EPB41: variants seen among roughly 807,000 people sequenced by gnomAD.
The protein encoded by EPB41 is erythrocyte membrane protein band 4.1.
Under a neutral mutation model 108.0 loss-of-function variants are expected in EPB41, and 65 were observed. The ratio of observed to expected loss-of-function variants is 0.60; its 90% CI spans 0.49 to 0.74. The LOEUF is 0.74. Among genes scored for constraint, EPB41 ranks in the 30% least tolerant of loss-of-function variants. The pLI is 0.00. For missense variants in EPB41, 875 were observed against 1,037.0 expected, an observed-to-expected ratio of 0.84 and a Z score of 2.15; for synonymous variants, 336 against 358.9, an observed-to-expected ratio of 0.94 and a Z score of 0.72.
At chr1:28,934,666 T>TG (rs150713423) in intron 1 of EPB41, among the ~76,000 whole-genome samples, 14 of 136,400 alleles carry the variant, frequency 1.0e-4, no homozygotes, top group African/African-American at 4.0e-4. Flanking sequence ...TCTTTTGACA[T>TG]TGTGTGTGTG....
chr1:28,980,788 C>A (rs1237463984), intron 1 of EPB41, among the ~76,000 whole-genome samples: 2 of 148,598 alleles, frequency 1.3e-5, no homozygotes, highest in Admixed American at 6.8e-5. Context: ...TGATGATATT[C>A]CAGGAGTTTT....
chr1:29,040,354 A>G (rs1447173189), intron 11 of EPB41, among the ~76,000 whole-genome samples: 2 of 151,758 alleles, frequency 1.3e-5, no homozygotes, highest in East Asian at 1.9e-4. Flanking sequence ...ACCTCGGCCC[A>G]CTGCAACCTC....
At chr1:28,923,767 G>T (rs530357813) in intron 1 of EPB41, among the ~76,000 whole-genome samples, 6 of 152,292 alleles carry the variant, frequency 3.9e-5, no homozygotes, top group Admixed American at 1.3e-4. Context: ...AATGATCATA[G>T]AATCATATTT....
chr1:28,976,853 A>C (rs2095619265), intron 1 of EPB41, among the ~76,000 whole-genome samples: 1 of 151,860 alleles, frequency 6.6e-6, no homozygotes, highest in Non-Finnish European at 1.5e-5. Flanking sequence ...CCCTCAAAGC[A>C]TTATTTATTT....
chr1:28,933,667 G>T (rs975993359), intron 1 of EPB41, among the ~76,000 whole-genome samples: 2 of 152,102 alleles, frequency 1.3e-5, no homozygotes, highest in Non-Finnish European at 2.9e-5. Context: ...CGTTCATAGA[G>T]TATCGGCCAG....
intron 7 of EPB41, among the ~76,000 whole-genome samples, chr1:29,024,925 C>G (rs977514832): frequency 6.6e-6 from 1 of 151,986 alleles, no homozygotes; most frequent in Non-Finnish European, 1.5e-5. Context: ...GCAACCCTCA[C>G]AAACCCAAAG....
chr1:28,941,427 G>A (rs905618423), intron 1 of EPB41, among the ~76,000 whole-genome samples: 3 of 152,040 alleles, frequency 2.0e-5, no homozygotes, highest in African/African-American at 7.2e-5. Flanking sequence ...TAAGTCCAAC[G>A]AGGTATAGTT....
intron 1 of EPB41, among the ~76,000 whole-genome samples, chr1:28,971,513 A>G: frequency 6.6e-6 from 1 of 152,100 alleles, no homozygotes; most frequent in East Asian, 1.9e-4. Flanking sequence ...AAATTTTAAC[A>G]CACTTGGCTA....
rs80040794 is a variant in EPB41, at chr1:29,079,888, T to C, written c.2184+14730T>C. Among the ~76,000 whole-genome samples, 706 of 151,938 alleles carry C rather than the reference T, an allele frequency of 4.6e-3. 7 individuals are homozygous for C. Among genetic ancestry groups the C allele is most frequent in the Middle Eastern group, 0.017 (5 of 294 alleles). The stretch of plus-strand genomic sequence containing the variant: ...TGCGCGGGCCTGTAGTTCCAGCTAC[T>C]CGGGAGGCTGAGGCAGGAGAATTGC... On this transcript the variant is annotated intron_variant, in intron 16 of 20. Transcript: ENST00000343067.
rs775554564 is a variant in EPB41 at position 28,975,940 on chromosome 1, C to CAAAA, written c.-7-11473_-7-11470dup. Among the ~76,000 whole-genome samples, 178 of 65,714 alleles carry CAAAA rather than the reference C, an allele frequency of 2.7e-3. 1 individual carries two copies. Among genetic ancestry groups the CAAAA allele is most frequent in the Non-Finnish European group, 3.3e-3 (99 of 30,126 alleles). 43.1% of individuals were successfully genotyped at this position (65,714 alleles called of 152,430 possible). A position where few individuals can be genotyped will look rare whatever the true frequency, so the allele number is the denominator to read the frequency against. ...TGGGTGACAGAGTGAGACTCCATCT[C>CAAAA]AAAAAAAAAAAAAAAAAAAAAGAAA... On this transcript the variant is annotated intron_variant, in intron 1 of 20. Coordinates refer to ENST00000343067, the MANE Select transcript of EPB41 (RefSeq NM_001376013.1).
chr1:28,943,709 A>C (rs189678137), intron 1 of EPB41, among the ~76,000 whole-genome samples: 1 of 152,292 alleles, frequency 6.6e-6, no homozygotes, highest in East Asian at 1.9e-4. Context: ...AGACAAAGGC[A>C]ATAACAAATG....
chr1:28,950,533 C>T (rs1316345113), intron 1 of EPB41, among the ~76,000 whole-genome samples: 1 of 152,200 alleles, frequency 6.6e-6, no homozygotes, highest in African/African-American at 2.4e-5. Flanking sequence ...GTCCCAGTCT[C>T]CTAAATTTAT....
intron 2 of EPB41, among the ~76,000 whole-genome samples, chr1:28,988,666 T>G (rs1489684779): frequency 1.3e-5 from 2 of 152,158 alleles, no homozygotes; most frequent in East Asian, 3.9e-4. Flanking sequence ...GGCTTATAGT[T>G]TCTACTCTAA....
At position 28,993,532 on chromosome 1, in the gene EPB41, G is replaced by A. The variant is rs2096074073; in HGVS notation, c.671G>A (p.Cys224Tyr). 6.2e-7 allele frequency: 1 copy of A among 1,613,894 alleles called. No homozygotes were observed. The highest frequency in any genetic ancestry group is 8.5e-7 in the Non-Finnish European group (1 of 1,179,982). The change falls in exon 3 of 21, where the codon TGT becomes TAT. Residue 224 changes from cysteine (C) to tyrosine (Y), a missense_variant. This residue lies in a region of EPB41 where 353 missense variants were observed against 393.2 expected (regional missense o/e 0.90). Coordinates refer to ENST00000343067, the MANE Select transcript of EPB41 (RefSeq NM_001376013.1). ...VSLLDDTVYE[C>Y]VVEKHAKGQD... The stretch of plus-strand genomic sequence containing the variant: ...TTGTTGGATGACACAGTTTATGAAT[G>A]TGTTGTGGAGGTGAGTATGTTTTCA...
intron 11 of EPB41, among the ~76,000 whole-genome samples, chr1:29,041,809 G>A (rs1641647500): frequency 6.6e-6 from 1 of 152,050 alleles, no homozygotes; most frequent in African/African-American, 2.4e-5. Context: ...ATGTTCCTAG[G>A]CAAATTACTT....
chr1:29,095,569 G>A (rs1278655072), intron 16 of EPB41, among the ~76,000 whole-genome samples: 1 of 152,140 alleles, frequency 6.6e-6, no homozygotes, highest in East Asian at 1.9e-4. Context: ...CCAGGAGTTT[G>A]AGATCAACCT....
chr1:28,994,633 TTTTATTTATTTA>T (rs71586878), intron 3 of EPB41, among the ~76,000 whole-genome samples: 233 of 139,848 alleles, frequency 1.7e-3, no homozygotes, highest in African/African-American at 5.0e-3. Flanking sequence ...GAACAAACTA[TTTTATTTATTTA>T]TTTATTTATT....
In EPB41 at chr1:29,117,072, T is replaced by C. The variant is rs1199932997; in HGVS notation, c.*260T>C. ...ACTCTATAGACTGTTTTAAGAGTTTTGGGGTTTTTTTAATTGGGTGGTTTG... is the reference window on the plus strand; with the variant it reads ...ACTCTATAGACTGTTTTAAGAGTTTCGGGGTTTTTTTAATTGGGTGGTTTG... On this transcript the variant is annotated 3_prime_UTR_variant, in exon 21 of 21. Coordinates refer to ENST00000343067, the MANE Select transcript of EPB41 (RefSeq NM_001376013.1). The C allele has an allele frequency of 6.6e-6, 1 of 152,214 alleles. No individual in the cohort carries two copies. The highest frequency in any genetic ancestry group is 1.5e-5 in the Non-Finnish European group (1 of 68,040). 9.4% of individuals were successfully genotyped at this position (152,214 alleles called of 1,614,324 possible).
At chr1:28,988,020 T>TGG in intron 2 of EPB41, 115 bp downstream of exon 2, 1 of 1,127,642 alleles carries the variant, frequency 8.9e-7, no homozygotes, top group Non-Finnish European at 1.3e-6. Flanking sequence ...TCCACCACTT[T>TGG]GGGAGGCCGA....
Sources: gnomAD v4.1 joint callset for allele counts (sites outside exome capture counted in the v4.1 genomes callset) on GRCh38, gnomAD v4.1.1 for gene constraint, gnomAD v4.1.1 regional missense constraint, MANE v1.5 for transcripts, NCBI Gene and HGNC (gene_info 2026-07-23, HGNC 2026-07-21) for gene names.